POLA1: variants seen among roughly 807,000 people sequenced by gnomAD.
POLA1 encodes DNA polymerase alpha 1, catalytic subunit, also known as DNA polymerase alpha catalytic subunit.
A neutral mutation model predicts 124.0 loss-of-function variants in POLA1; 15 were observed. The observed-to-expected ratio is 0.12, with a 90% CI of 0.08 to 0.19. POLA1 has a LOEUF of 0.19. POLA1 is among the 10% of genes least tolerant of loss of function. The pLI is 1.00. For missense variants in POLA1, 886 were observed against 1,103.4 expected, an observed-to-expected ratio of 0.80 and a Z score of 2.79; for synonymous variants, 408 against 389.4, an observed-to-expected ratio of 1.05 and a Z score of -0.56.
chrX:24,990,227 A>G (rs1440086993), intron 36 of POLA1, among the ~76,000 whole-genome samples: 1 of 112,452 alleles, frequency 8.9e-6, no homozygotes, highest in East Asian at 2.8e-4. Context: ...TGGATTCTAA[A>G]TGGTTTTGAT....
In POLA1 at chrX:24,793,140, G is replaced by A. The variant is rs374874545; in HGVS notation, c.2965-16758G>A. Among the ~76,000 whole-genome samples the A allele has an allele frequency of 7.8e-4, 85 of 108,896 alleles. No individual in the cohort carries two copies. In the East Asian group the frequency reaches 0.019, roughly 25 times the overall value. The allele number at this position is 108,896 out of a possible 115,157, so 94.6% of individuals were successfully genotyped here. On this transcript the variant is annotated intron_variant, in intron 26 of 36. Coordinates refer to ENST00000379068, the MANE Select transcript of POLA1 (RefSeq NM_001330360.2). ...AAAAATACAAAAATTAGCCGGGTGT[G>A]GTGGCAGGTGCCTATAATCCCAGCT... is the stretch of plus-strand genomic sequence containing the variant.
In POLA1 at chrX:24,773,703, A is replaced by G. The variant is rs970923458; in HGVS notation, c.2964+24711A>G. ...CAATAAAGATGAGCTGCTATTGTTA[A>G]TCTTTCTCTCAGATGGTAGATAACA... On this transcript the variant is annotated intron_variant, in intron 26 of 36. Transcript: ENST00000379068. Among the ~76,000 whole-genome samples the G allele has an allele frequency of 3.4e-4, 38 of 112,339 alleles. No individual in the cohort carries two copies. In the South Asian group the frequency reaches 4.1e-3, roughly 12 times the overall value.
chrX:24,986,128 C>T (rs1429220366), intron 36 of POLA1, among the ~76,000 whole-genome samples: 2 of 111,252 alleles, frequency 1.8e-5, no homozygotes, highest in Non-Finnish European at 3.8e-5. Flanking sequence ...GCCGAGATCG[C>T]GCCATTGCAC....
chrX:24,704,321 G>T, intron 3 of POLA1, 68 bp from the exon 4 acceptor site: 1 of 781,608 alleles, frequency 1.3e-6, no homozygotes, highest in Admixed American at 2.4e-5. Context: ...AGGTTTTTTT[G>T]GTCATGGCTA....
chrX:24,975,744 C>T (rs963369555), intron 36 of POLA1, among the ~76,000 whole-genome samples: 1 of 112,489 alleles, frequency 8.9e-6, no homozygotes, highest in Non-Finnish European at 1.9e-5. Flanking sequence ...TAAACTGCTG[C>T]TCTAGAACTG....
chrX:24,856,826 T>C (rs1343988402), intron 34 of POLA1, among the ~76,000 whole-genome samples: 1 of 110,388 alleles, frequency 9.1e-6, no homozygotes, highest in Admixed American at 9.7e-5. Context: ...TTCCCCCATT[T>C]AAAAAAAATT....
At chrX:24,810,951 C>T (rs2045888357) in intron 28 of POLA1, 151 bp downstream of exon 28, 1 of 381,513 alleles carries the variant, frequency 2.6e-6, no homozygotes, top group South Asian at 4.5e-5. Flanking sequence ...TTCTGTCTTT[C>T]TTTATTATTT....
chrX:24,848,995 T>G (rs1320931229), intron 34 of POLA1, among the ~76,000 whole-genome samples: 1 of 112,972 alleles, frequency 8.9e-6, no homozygotes, highest in Non-Finnish European at 1.9e-5. Flanking sequence ...TTCTCATTTC[T>G]TACCTGTGGT....
intron 26 of POLA1, among the ~76,000 whole-genome samples, chrX:24,769,049 A>G (rs1004444112): frequency 5.4e-4 from 60 of 111,641 alleles, no homozygotes; most frequent in Non-Finnish European, 3.0e-4. Flanking sequence ...AATGCTTTAC[A>G]CAGTAGGGGT....
intron 35 of POLA1, among the ~76,000 whole-genome samples, chrX:24,915,119 G>A (rs2047512470): frequency 9.0e-6 from 1 of 111,631 alleles, no homozygotes; most frequent in African/African-American, 3.3e-5. Flanking sequence ...CTCCTTACAG[G>A]CCTGCAGATG....
At chrX:24,927,157 C>T (rs2047705349) in intron 35 of POLA1, among the ~76,000 whole-genome samples, 1 of 110,081 alleles carries the variant, frequency 9.1e-6, no homozygotes, top group South Asian at 4.0e-4. Context: ...TTTTTTAAAG[C>T]TCTTGGGGTG....
intron 36 of POLA1, among the ~76,000 whole-genome samples, chrX:24,968,404 A>G (rs780044382): frequency 2.7e-5 from 3 of 111,985 alleles, no homozygotes; most frequent in African/African-American, 9.7e-5. Flanking sequence ...AGCATTTGCT[A>G]TAAGAAGAAT....
chrX:24,718,596 G>A (rs775313889), intron 10 of POLA1, among the ~76,000 whole-genome samples: 1 of 112,435 alleles, frequency 8.9e-6, no homozygotes, highest in South Asian at 3.7e-4. Context: ...AAGAGCAATG[G>A]GGTGGCATTG....
chrX:24,942,741 A>ATC, intron 36 of POLA1, among the ~76,000 whole-genome samples: 1 of 112,150 alleles, frequency 8.9e-6, no homozygotes, highest in African/African-American at 3.2e-5. Flanking sequence ...CCTAGGCTGG[A>ATC]GTTCAGTGGC....
At chrX:24,993,933 C>G (rs1017058501) in intron 36 of POLA1, among the ~76,000 whole-genome samples, 30 of 111,917 alleles carry the variant, frequency 2.7e-4, no homozygotes, top group African/African-American at 9.4e-4. Flanking sequence ...GTAAATAGTC[C>G]CCTTTCTAAC....
At chrX:24,967,640 G>C (rs1278684712) in intron 36 of POLA1, among the ~76,000 whole-genome samples, 1 of 110,430 alleles carries the variant, frequency 9.1e-6, no homozygotes, top group African/African-American at 3.3e-5. Context: ...CAGCCTGGGG[G>C]ACAAAGTGAG....
chrX:24,947,246 C>CTTTTTTTTTTTTTTTTTTTT (rs764618354), intron 36 of POLA1, among the ~76,000 whole-genome samples: 1 of 21,620 alleles, frequency 4.6e-5, no homozygotes, highest in African/African-American at 1.5e-4. Flanking sequence ...CCTGCAGATT[C>CTTTTTTTTTTTTTTTTTTTT]TTTTTTTTTT....
intron 26 of POLA1, among the ~76,000 whole-genome samples, chrX:24,756,230 T>C (rs1261024395): frequency 9.0e-6 from 1 of 111,594 alleles, no homozygotes; most frequent in Admixed American, 9.6e-5. Flanking sequence ...CTAAAGGTTG[T>C]AAGAAGGAAG....
intron 35 of POLA1, among the ~76,000 whole-genome samples, chrX:24,899,825 C>G (rs1051547159): frequency 9.0e-6 from 1 of 111,631 alleles, no homozygotes; most frequent in East Asian, 2.8e-4. Flanking sequence ...CCTGTTGGCA[C>G]GAGACCTTTC....
Sources: allele counts gnomAD v4.1 joint callset (sites outside exome capture counted in the v4.1 genomes callset), GRCh38; gene constraint gnomAD v4.1.1; transcripts MANE v1.5; gene names NCBI Gene and HGNC (gene_info 2026-07-23, HGNC 2026-07-21).